The following TMEM150C variants were observed in gnomAD, a reference collection of about 807,000 sequenced individuals.
TMEM150C encodes transmembrane protein 150C, also known as tentonin 3.
A neutral mutation model predicts 29.9 loss-of-function variants in TMEM150C; 10 were observed. The observed-to-expected ratio is 0.33, with a 90% confidence interval of 0.21 to 0.57. The LOEUF is 0.57. TMEM150C is among the 20% of genes least tolerant of loss of function. The pLI, the probability that TMEM150C is intolerant of heterozygous loss-of-function variation, is 0.88. For missense variants in TMEM150C, 251 were observed against 303.6 expected, an observed-to-expected ratio of 0.83 and a Z score of 1.29; for synonymous variants, 101 against 112.5, an observed-to-expected ratio of 0.90 and a Z score of 0.64.
At chr4:82,552,330 G>A (rs567914510) in intron 1 of TMEM150C, among the ~76,000 whole-genome samples, 1 of 152,330 alleles carries the variant, frequency 6.6e-6, no homozygotes, top group African/African-American at 2.4e-5. Context: ...CTGGATGTGT[G>A]AGTTGGAAGA....
chr4:82,504,339 G>C (rs1040234841), intron 2 of TMEM150C, among the ~76,000 whole-genome samples: 3 of 152,062 alleles, frequency 2.0e-5, no homozygotes, highest in Non-Finnish European at 4.4e-5. Context: ...GAGTAGCTGG[G>C]ATTACAGGCG....
intron 1 of TMEM150C, among the ~76,000 whole-genome samples, chr4:82,526,024 C>T (rs1187921622): frequency 6.6e-6 from 1 of 152,214 alleles, no homozygotes; most frequent in Non-Finnish European, 1.5e-5. Flanking sequence ...CCCACCTCAG[C>T]CTCCATAATA....
At chr4:82,537,875 C>T (rs189882112) in intron 1 of TMEM150C, among the ~76,000 whole-genome samples, 5 of 152,210 alleles carry the variant, frequency 3.3e-5, no homozygotes, top group Non-Finnish European at 4.4e-5. Flanking sequence ...AGGAGCAGGG[C>T]GCTGCTGACA....
chr4:82,536,878 A>C (rs1233850633), intron 1 of TMEM150C, among the ~76,000 whole-genome samples: 1 of 152,248 alleles, frequency 6.6e-6, no homozygotes, highest in Non-Finnish European at 1.5e-5. Context: ...GCACTAATGC[A>C]TCAAAAGAAA....
chr4:82,538,671 C>T (rs1725093785), intron 1 of TMEM150C, among the ~76,000 whole-genome samples: 1 of 152,048 alleles, frequency 6.6e-6, no homozygotes, highest in African/African-American at 2.4e-5. Context: ...AACCATTACC[C>T]CGGAGAGTTT....
At position 82,483,204 on chromosome 4, in the gene TMEM150C, C is replaced by T. The variant is rs924572823; in HGVS notation, c.*2307G>A. 1 of 152,030 alleles carries T rather than the reference C, an allele frequency of 6.6e-6. No individual in the cohort carries two copies. Among genetic ancestry groups the T allele is most frequent in the Non-Finnish European group, 1.5e-5 (1 of 68,014 alleles). 9.4% of individuals were successfully genotyped at this position (152,030 alleles called of 1,614,324 possible). ...TGCATAAAAGAATTTTATTTAGTGG[C>T]CAGATCCCAATGAATAATGTCAGTC... On this transcript the variant is annotated 3_prime_UTR_variant, in exon 8 of 8. Transcript: ENST00000449862.
intron 1 of TMEM150C, among the ~76,000 whole-genome samples, chr4:82,524,665 T>C (rs1724597086): frequency 6.6e-6 from 1 of 152,198 alleles, no homozygotes; most frequent in Admixed American, 6.5e-5. Flanking sequence ...GAAGGTACAA[T>C]TATGAAAAAG....
At chr4:82,503,509 G>A (rs1014582048) in intron 2 of TMEM150C, among the ~76,000 whole-genome samples, 2 of 152,132 alleles carry the variant, frequency 1.3e-5, no homozygotes, top group African/African-American at 4.8e-5. Context: ...GCAAGTGTGG[G>A]AACGTTCTGT....
At chr4:82,518,606 G>C (rs1724374246) in intron 1 of TMEM150C, among the ~76,000 whole-genome samples, 1 of 152,180 alleles carries the variant, frequency 6.6e-6, no homozygotes, top group Admixed American at 6.5e-5. Context: ...GGCGGAGTTT[G>C]GGGGGATCAT....
intron 1 of TMEM150C, among the ~76,000 whole-genome samples, chr4:82,514,157 A>T (rs1724217597): frequency 6.6e-6 from 1 of 152,230 alleles, no homozygotes; most frequent in Non-Finnish European, 1.5e-5. Flanking sequence ...AGCATGAGCA[A>T]GGGCTCTCCT....
Position 82,485,597 on chromosome 4 carries a change from T to A in TMEM150C, c.664A>T (p.Ile222Phe). Residue 222 changes from isoleucine (I) to phenylalanine (F), a missense_variant, in exon 8 of 8, where the codon ATT becomes TTT. Coordinates refer to ENST00000449862, the MANE Select transcript of TMEM150C (RefSeq NM_001080506.3). ...AVEFRHYRYE[I>F]VCSEYQENFL... ...TTCTCCTGGTACTCAGAGCAAACAA[T>A]CTCATAGCGGTAATGCCGGAACTCC... The A allele has an allele frequency of 6.2e-7, 1 of 1,611,162 alleles. No individual in the cohort carries two copies. The highest frequency in any genetic ancestry group is 8.5e-7 in the Non-Finnish European group (1 of 1,178,790).
intron 1 of TMEM150C, among the ~76,000 whole-genome samples, chr4:82,523,825 C>T (rs1325283826): frequency 2.6e-5 from 4 of 151,770 alleles, no homozygotes; most frequent in Non-Finnish European, 5.9e-5. Context: ...TTATAGGCGC[C>T]TGCCGCCACA....
chr4:82,486,691 A>G (rs56378530), intron 7 of TMEM150C, among the ~76,000 whole-genome samples: 28,572 of 151,956 alleles, frequency 0.19, 2,860 homozygotes, highest in Admixed American at 0.22. Context: ...TTGAGGCTGC[A>G]GTGAGCTACA....
intron 5 of TMEM150C, among the ~76,000 whole-genome samples, chr4:82,497,469 G>A (rs1233156700): frequency 6.6e-6 from 1 of 152,174 alleles, no homozygotes; most frequent in Non-Finnish European, 1.5e-5. Context: ...TCTCGAGTAT[G>A]TTAAATTTCA....
At chr4:82,490,578 T>C (rs1166745601) in intron 6 of TMEM150C, among the ~76,000 whole-genome samples, 1 of 151,890 alleles carries the variant, frequency 6.6e-6, no homozygotes, top group Non-Finnish European at 1.5e-5. Context: ...ATGGTTTTTT[T>C]TGTTTGTTTG....
upstream of TMEM150C, chr4:82,562,035 C>A: frequency 8.7e-7 from 1 of 1,154,704 alleles, no homozygotes; most frequent in Non-Finnish European, 1.1e-6. Flanking sequence ...CCCGCCCGCC[C>A]GGCCCCCTCC....
rs746554813 is a variant in TMEM150C at position 82,483,719 on chromosome 4, C to T, written c.*1792G>A. 6.6e-5 allele frequency: 10 copies of T among 151,888 alleles called. No individual in the cohort carries two copies. Among genetic ancestry groups the T allele is most frequent in the Non-Finnish European group, 1.5e-4 (10 of 68,020 alleles). 9.4% of individuals were successfully genotyped at this position (151,888 alleles called of 1,614,324 possible). On this transcript the variant is annotated 3_prime_UTR_variant, in exon 8 of 8. Transcript: ENST00000449862. The stretch of plus-strand genomic sequence containing the variant: ...CTGTGTTAAGAGGTGGGGAACAATA[C>T]AGAGATGAAAAGACATTGACCTTTT...
At chr4:82,499,831 G>C (rs747197972) in intron 5 of TMEM150C, among the ~76,000 whole-genome samples, 2 of 149,774 alleles carry the variant, frequency 1.3e-5, no homozygotes, top group Non-Finnish European at 2.9e-5. Context: ...CTCAAATAAC[G>C]TCCCTTCCTT....
intron 1 of TMEM150C, among the ~76,000 whole-genome samples, chr4:82,527,652 G>A (rs1261212193): frequency 6.6e-6 from 1 of 152,116 alleles, no homozygotes; most frequent in Non-Finnish European, 1.5e-5. Flanking sequence ...TTCTTCCCAT[G>A]GATCTGTCCC....
Sources: gnomAD v4.1 joint callset for allele counts (sites outside exome capture counted in the v4.1 genomes callset) on GRCh38, gnomAD v4.1.1 for gene constraint, MANE v1.5 for transcripts, NCBI Gene and HGNC (gene_info 2026-07-23, HGNC 2026-07-21) for gene names.